The following CD163L1 variants were observed in gnomAD, a reference collection of about 807,000 sequenced individuals.
CD163L1 encodes the protein scavenger receptor cysteine-rich type 1 protein M160.
Under a neutral mutation model 165.4 loss-of-function variants are expected in CD163L1, and 124 were observed. The ratio of observed to expected loss-of-function variants is 0.75; its 90% CI spans 0.65 to 0.87. CD163L1 has a LOEUF of 0.87. Ranked by LOEUF, CD163L1 falls within the 40% of genes least tolerant of loss-of-function variation. The pLI, the probability that CD163L1 is intolerant of heterozygous loss-of-function variation, is 0.00. For synonymous variants in CD163L1, 585 were observed against 662.2 expected, an observed-to-expected ratio of 0.88 and a Z score of 1.79; for missense variants, 1,525 against 1,799.9, an observed-to-expected ratio of 0.85 and a Z score of 2.76.
chr12:7,440,030 A>G (rs1015615469), intron 2 of CD163L1: 146 of 1,333,396 alleles, frequency 1.1e-4, no homozygotes, highest in Non-Finnish European at 1.3e-4. Flanking sequence ...CCGCTGCGAC[A>G]CACACCCCAG....
In CD163L1 at chr12:7,360,671, A is replaced by G. The variant is rs149765155; in HGVS notation, c.4280-3185T>C. ...TTCCATGGGATTGCTTCTTTCCTGA[A>G]AAGATTTCTCCATTAGTTTCTGGAA... On this transcript the variant is annotated intron_variant, in intron 18 of 19. Transcript: ENST00000313599. 8.5e-5 allele frequency among the ~76,000 whole-genome samples: 13 copies of G among 152,184 alleles called. No individual in the cohort carries two copies. In the East Asian group the frequency reaches 2.5e-3, roughly 29 times the overall value.
intron 18 of CD163L1, among the ~76,000 whole-genome samples, chr12:7,360,957 G>GGTTTT (rs1946878024): frequency 7.9e-6 from 1 of 127,264 alleles, no homozygotes; most frequent in Non-Finnish European, 1.8e-5. Flanking sequence ...TTTTGGTTTT[G>GGTTTT]GTTTTGCTTT....
intron 4 of CD163L1, among the ~76,000 whole-genome samples, chr12:7,407,800 CACACACAGACACACACACACACACACAT>C (rs1948058720): frequency 6.6e-6 from 1 of 150,526 alleles, no homozygotes; most frequent in Admixed American, 6.6e-5. Flanking sequence ...CACACACACA[CACACACAGACACACACACACACACACAT>C]ACACACACAA....
In CD163L1 at chr12:7,433,375, A is replaced by G. The variant is rs10845159; in HGVS notation, c.444T>C (p.Tyr148=). Reference sequence around the variant, plus strand: ...TTCCTACTCTAGTTAGACTCTTACCATAACAGTTCACACCAACATCTTCTC... The same window carrying G: ...TTCCTACTCTAGTTAGACTCTTACCGTAACAGTTCACACCAACATCTTCTC... ...YHGEDVGVNC[Y]GEANLGLRLV... The change falls in exon 3 of 20, where the codon TAT becomes TAC. Residue 148 remains tyrosine (Y), a splice_region_variant and synonymous_variant. Coordinates refer to ENST00000313599, the MANE Select transcript of CD163L1 (RefSeq NM_174941.6). 783,510 of 1,581,382 alleles carry G rather than the reference A, an allele frequency of 0.5. 205,559 individuals carry two copies. Among genetic ancestry groups the G allele is most frequent in the Non-Finnish European group, 0.55 (638,737 of 1,162,656 alleles).
intron 2 of CD163L1, among the ~76,000 whole-genome samples, chr12:7,436,263 A>T (rs1379384676): frequency 1.3e-5 from 2 of 152,222 alleles, no homozygotes; most frequent in Non-Finnish European, 2.9e-5. Context: ...GTCTAATCAA[A>T]TATAACATTA....
the CD163L1 span, among the ~76,000 whole-genome samples, chr12:7,336,833 A>G: frequency 6.6e-6 from 1 of 152,184 alleles, no homozygotes; most frequent in African/African-American, 2.4e-5. Context: ...TAAAGTTCAT[A>G]TGGATCCAAA....
intron 8 of CD163L1, among the ~76,000 whole-genome samples, chr12:7,394,953 G>A (rs1262049087): frequency 6.6e-6 from 1 of 152,174 alleles, no homozygotes; most frequent in Non-Finnish European, 1.5e-5. Context: ...AGTGGATGCT[G>A]GAGAGGATGT....
chr12:7,441,173 G>A lies in CD163L1; in HGVS notation c.105C>T (p.Cys35=), dbSNP rs756393605. The A allele has an allele frequency of 6.2e-7, 1 of 1,613,796 alleles. No individual in the cohort carries two copies. Among genetic ancestry groups the A allele is most frequent in the Non-Finnish European group, 8.5e-7 (1 of 1,179,718 alleles). ...ACTCACTAAAACTGCTGATGAGAAA[G>A]CAGGAATTCAGGAGCAGGATGCAAG... ...VVTCILLLNS[C]FLISSFNGTD... is the part of the protein sequence containing the mutation. The change falls in exon 2 of 20, where the codon TGC becomes TGT. Residue 35 remains cysteine, a synonymous_variant. Coordinates refer to ENST00000313599, the MANE Select transcript of CD163L1 (RefSeq NM_174941.6).
intron 18 of CD163L1, among the ~76,000 whole-genome samples, chr12:7,362,774 C>T (rs1444265166): frequency 6.7e-6 from 1 of 149,210 alleles, no homozygotes; most frequent in African/African-American, 2.4e-5. Flanking sequence ...AGCAATCCTC[C>T]TACTGGGTGT....
intron 4 of CD163L1, among the ~76,000 whole-genome samples, chr12:7,415,189 C>T (rs1948212374): frequency 6.6e-6 from 1 of 151,838 alleles, no homozygotes; most frequent in Admixed American, 6.6e-5. Flanking sequence ...ACAACATAAT[C>T]AATAAAATAA....
chr12:7,322,998 A>G, the CD163L1 span, among the ~76,000 whole-genome samples: 1 of 152,226 alleles, frequency 6.6e-6, no homozygotes, highest in Non-Finnish European at 1.5e-5. Context: ...CACCTAATGA[A>G]TCAGAAACTC....
intron 2 of CD163L1, chr12:7,439,769 T>C: frequency 6.2e-7 from 1 of 1,613,504 alleles, no homozygotes; most frequent in Non-Finnish European, 8.5e-7. Flanking sequence ...TTGTAAAGAA[T>C]TTCACCCCCC....
Position 7,407,541 on chromosome 12 carries a change from C to A in CD163L1, c.767-689G>T, listed in dbSNP as rs12297805. On this transcript the variant is annotated intron_variant, in intron 4 of 19. Coordinates refer to ENST00000313599, the MANE Select transcript of CD163L1 (RefSeq NM_174941.6). Reference sequence around the variant, plus strand: ...CTTATTTCCTTACTTCTTTACATCACTTAGCAAAATTGACCACTACGTATA... The same window carrying A: ...CTTATTTCCTTACTTCTTTACATCAATTAGCAAAATTGACCACTACGTATA... 5.0e-3 allele frequency among the ~76,000 whole-genome samples: 757 copies of A among 151,362 alleles called. 12 individuals carry two copies. The highest frequency in any genetic ancestry group is 0.017 in the African/African-American group (720 of 41,344).
rs946428543 is a variant in CD163L1, at chr12:7,347,167, T to C, written c.*25-20A>G. ...AAGATTCTATTTTTAAAGAAATTAA[T>C]TGTAAGTGCAGAAATTTTTCTCTCT... is the stretch of plus-strand genomic sequence containing the variant. On this transcript the variant is annotated intron_variant, in intron 4 of 4. Coordinates refer to the CD163L1 transcript ENST00000539726. The surrounding 1 kb of genome is among the most constrained non-coding windows in gnomAD (Gnocchi z 4.2). The C allele has an allele frequency of 3.9e-5, 6 of 152,192 alleles. No individual in the cohort carries two copies. The highest frequency in any genetic ancestry group is 1.4e-4 in the African/African-American group (6 of 41,458). The allele number at this position is 152,192 out of a possible 1,614,324, so 9.4% of individuals were successfully genotyped here. A position where few individuals can be genotyped will look rare whatever the true frequency, so the allele number is the denominator to read the frequency against.
At chr12:7,430,670 G>A (rs1356074088) in intron 4 of CD163L1, among the ~76,000 whole-genome samples, 2 of 152,128 alleles carry the variant, frequency 1.3e-5, no homozygotes, top group Non-Finnish European at 2.9e-5. Context: ...TGAGGACAGA[G>A]TGCCATCATA....
rs1491267228 is a variant in CD163L1, at chr12:7,421,537, ACG to A, written c.766+10877_766+10878del. On this transcript the variant is annotated intron_variant, in intron 4 of 19. Transcript: ENST00000313599. ...TACATATATGTACATATATACATAT[ACG>A]TACACATATACATATACATATATGT... 8.7e-5 allele frequency among the ~76,000 whole-genome samples: 11 copies of A among 126,638 alleles called. 1 individual carries two copies. The highest frequency in any genetic ancestry group is 2.3e-4 in the East Asian group (1 of 4,376). The allele number at this position is 126,638 out of a possible 152,430, so 83.1% of individuals were successfully genotyped here.
rs1947204898 is a variant in CD163L1 at position 7,374,225 on chromosome 12, C to T, written c.3409+217G>A. Among the ~76,000 whole-genome samples the T allele has an allele frequency of 6.6e-6, 1 of 152,180 alleles. No homozygotes were observed. The highest frequency in any genetic ancestry group is 2.4e-5 in the African/African-American group (1 of 41,438). ...GTCTAACATTCTCTGACAGTAAGAC[C>T]AATCTTTTATTCTTCTCAGTTATGA... On this transcript the variant is annotated intron_variant, in intron 13 of 19. Coordinates refer to ENST00000313599, the MANE Select transcript of CD163L1 (RefSeq NM_174941.6). This position sits in a 1 kb window ranked among gnomAD's most constrained non-coding sequence, Gnocchi z 5.4.
chr12:7,396,550 T>C, intron 7 of CD163L1, 135 bp from the exon 8 acceptor site: 1 of 848,132 alleles, frequency 1.2e-6, no homozygotes, highest in East Asian at 2.7e-5. Flanking sequence ...TTTTTTCAGA[T>C]GTGATTAACC....
chr12:7,328,406 T>C, the CD163L1 span: 3 of 1,473,010 alleles, frequency 2.0e-6, no homozygotes, highest in Non-Finnish European at 2.8e-6. Flanking sequence ...TAAGCAGTAA[T>C]ATGGTTGCTT....
Sources: gnomAD v4.1 joint callset for allele counts (sites outside exome capture counted in the v4.1 genomes callset) on GRCh38, gnomAD v4.1.1 for gene constraint, Gnocchi (gnomAD v3.1) non-coding constraint, MANE v1.5 for transcripts, NCBI Gene and HGNC (gene_info 2026-07-23, HGNC 2026-07-21) for gene names.